MINDY4: variants seen among roughly 807,000 people sequenced by gnomAD.
MINDY4 encodes MINDY lysine 48 deubiquitinase 4, also known as probable ubiquitin carboxyl-terminal hydrolase MINDY-4.
Under a neutral mutation model 87.0 loss-of-function variants are expected in MINDY4, and 68 were observed. The ratio of observed to expected loss-of-function variants is 0.78; its 90% CI spans 0.64 to 0.96. The LOEUF (loss-of-function observed/expected upper bound fraction) is 0.96. Among genes scored for constraint, MINDY4 ranks in the 40% least tolerant of loss-of-function variants. The pLI is 0.00. For synonymous variants in MINDY4, 379 were observed against 363.2 expected (o/e 1.04, Z -0.50); for missense variants, 919 against 928.2 (o/e 0.99, Z 0.13).
intron 16 of MINDY4, 97 bp from the exon 17 acceptor site, chr7:30,882,824 G>T (rs746609314): frequency 8.3e-5 from 86 of 1,036,044 alleles, no homozygotes; most frequent in Middle Eastern, 6.3e-4. Flanking sequence ...AGGGGACAGG[G>T]ACTAGAAGGG....
intron 5 of MINDY4, among the ~76,000 whole-genome samples, chr7:30,810,596 C>T (rs10242462): frequency 2.0e-5 from 3 of 151,922 alleles, no homozygotes; most frequent in Non-Finnish European, 2.9e-5. Flanking sequence ...AAAACACGAC[C>T]GGTTTTTCTT....
Position 30,791,436 on chromosome 7 carries a change from A to T in MINDY4, c.935A>T (p.Asp312Val), listed in dbSNP as rs758831576. 48 of 1,613,966 alleles carry T rather than the reference A, an allele frequency of 3.0e-5. No homozygotes were observed. In the Admixed American group the frequency reaches 6.0e-4, roughly 20 times the overall value. Reference protein sequence around the residue: ...DRARPRDPSEDTPAVDGSTDT... With the variant: ...DRARPRDPSEVTPAVDGSTDT... The stretch of plus-strand genomic sequence containing the variant: ...GCCAGGCCGAGGGATCCCTCCGAGG[A>T]CACCCCAGCAGTGGACGGCAGCACA... Residue 312 changes from aspartate to valine, a missense_variant, in exon 5 of 18, where the codon GAC becomes GTC. By Grantham distance (152) the Asp-to-Val change is radical. Coordinates refer to ENST00000265299, the MANE Select transcript of MINDY4 (RefSeq NM_032222.3).
chr7:30,775,861 C>T (rs1786794212), intron 1 of MINDY4, among the ~76,000 whole-genome samples: 1 of 152,206 alleles, frequency 6.6e-6, no homozygotes, highest in Non-Finnish European at 1.5e-5. Context: ...GTTCCTCCTA[C>T]AACTGTGCCC....
Position 30,872,266 on chromosome 7 carries a change from C to T in MINDY4, c.1769C>T (p.Pro590Leu), listed in dbSNP as rs1489698727. The change falls in exon 14 of 18, where the codon CCC (proline) becomes CTC (leucine). Residue 590 changes from proline to leucine, a missense_variant. Transcript: ENST00000265299. ...AGCATCCGCCAGGACTTTGATGTCC[C>T]CACCAGCCACCTGATTGGAGCACAT... is the stretch of plus-strand genomic sequence containing the variant. ...TELIRQDFDV[P>L]TSHLIGAHGY... The T allele has an allele frequency of 6.2e-7, 1 of 1,613,998 alleles. No individual in the cohort carries two copies. The highest frequency in any genetic ancestry group is 8.5e-7 in the Non-Finnish European group (1 of 1,180,006).
At chr7:30,875,370 C>T in intron 14 of MINDY4, 125 bp from the exon 15 acceptor site, 2 of 1,089,086 alleles carry the variant, frequency 1.8e-6, no homozygotes, top group Non-Finnish European at 2.8e-6. Context: ...CTCCTCTGCT[C>T]TCAGGCTCTC....
intron 13 of MINDY4, 48 bp from the exon 14 acceptor site, chr7:30,872,195 A>T (rs751584291): frequency 6.2e-7 from 1 of 1,602,408 alleles, no homozygotes; most frequent in Non-Finnish European, 8.5e-7. Flanking sequence ...GAGGTTTGCA[A>T]CCTGGGTCAG....
chr7:30,836,562 C>A, intron 6 of MINDY4, 96 bp from the exon 7 acceptor site: 1 of 1,005,550 alleles, frequency 9.9e-7, no homozygotes, highest in Non-Finnish European at 1.5e-6. Flanking sequence ...CTCAAACCTT[C>A]TACAAACTTA....
rs10253781 is a variant in MINDY4 at position 30,874,496 on chromosome 7, T to G, written c.1810-999T>G. On this transcript the variant is annotated intron_variant, in intron 14 of 17. Coordinates refer to ENST00000265299, the MANE Select transcript of MINDY4 (RefSeq NM_032222.3). ...TGCATAAGGAAGGGACCTTCCAGCC[T>G]TGTTGGTACACCAAAATGTGGGAGG... Among the ~76,000 whole-genome samples the G allele has an allele frequency of 7.6e-4, 116 of 152,206 alleles. 1 individual carries two copies. The highest frequency in any genetic ancestry group is 2.1e-3 in the African/African-American group (88 of 41,508).
intron 1 of MINDY4, among the ~76,000 whole-genome samples, chr7:30,772,098 T>A (rs1233385685): frequency 6.6e-6 from 1 of 152,262 alleles, no homozygotes; most frequent in East Asian, 1.9e-4. Context: ...AGGAGAGTTT[T>A]TGCAGTGTTC....
Position 30,771,499 on chromosome 7 carries a change from C to T in MINDY4, c.6C>T (p.Asp2=). The stretch of plus-strand genomic sequence containing the variant: ...GCAGAGCCAGAGCCAGAGCCATGGA[C>T]AGCCTCTTCGTGGAGGAGGTGGCCG... M[D]SLFVEEVAAS... is the part of the protein sequence containing the mutation. Residue 2 remains aspartate, a synonymous_variant, in exon 1 of 18, where the codon GAC becomes GAT. Coordinates refer to ENST00000265299, the MANE Select transcript of MINDY4 (RefSeq NM_032222.3). 6.2e-7 allele frequency: 1 copy of T among 1,605,300 alleles called. No individual in the cohort carries two copies.
chr7:30,773,170 C>T (rs906225611), intron 1 of MINDY4, among the ~76,000 whole-genome samples: 12 of 152,222 alleles, frequency 7.9e-5, no homozygotes, highest in Non-Finnish European at 1.6e-4. Flanking sequence ...GCAGAGACCA[C>T]GTGCTCCCCA....
chr7:30,791,119 G>A, intron 4 of MINDY4, 46 bp from the exon 5 acceptor site: 2 of 1,517,106 alleles, frequency 1.3e-6, no homozygotes, highest in Non-Finnish European at 1.8e-6. Flanking sequence ...TTGTTTTCCA[G>A]CTCCCCTCAA....
intron 4 of MINDY4, 113 bp from the exon 5 acceptor site, chr7:30,791,052 G>C (rs1205853809): frequency 6.5e-6 from 7 of 1,081,496 alleles, no homozygotes; most frequent in Non-Finnish European, 8.1e-6. Flanking sequence ...TCCGAGGTGG[G>C]AAAAGACATT....
intron 1 of MINDY4, among the ~76,000 whole-genome samples, chr7:30,775,472 C>T (rs1489112794): frequency 6.6e-6 from 1 of 152,190 alleles, no homozygotes; most frequent in East Asian, 1.9e-4. Flanking sequence ...CAGCATGCTG[C>T]CCTCCCAGCA....
At chr7:30,826,328 G>A (rs1033855565) in intron 5 of MINDY4, among the ~76,000 whole-genome samples, 3 of 152,208 alleles carry the variant, frequency 2.0e-5, no homozygotes, top group African/African-American at 7.2e-5. Flanking sequence ...TCTGGGCAGT[G>A]AGGTAGGCCT....
chr7:30,808,926 A>G (rs1787898122), intron 5 of MINDY4, among the ~76,000 whole-genome samples: 1 of 148,194 alleles, frequency 6.7e-6, no homozygotes, highest in African/African-American at 2.6e-5. Context: ...ACAAAGAGGG[A>G]GTCAAGGAGA....
chr7:30,828,549 A>C lies in MINDY4; in HGVS notation c.1074-130A>C, dbSNP rs144794574. 3.9e-4 allele frequency: 347 copies of C among 884,716 alleles called. No homozygotes were observed. In the African/African-American group the frequency reaches 4.3e-3, roughly 11 times the overall value. The allele number at this position is 884,716 out of a possible 1,614,324, so 54.8% of individuals were successfully genotyped here. The stretch of plus-strand genomic sequence containing the variant: ...CTGAGAGAGGGGGAGTATTCAAGGC[A>C]CACAGAGGCAAGGCCAAGACTAGAG... On this transcript the variant is annotated intron_variant, in intron 5 of 17. Coordinates refer to ENST00000265299, the MANE Select transcript of MINDY4 (RefSeq NM_032222.3).
At chr7:30,842,473 A>G (rs780178499) in intron 9 of MINDY4, among the ~76,000 whole-genome samples, 1 of 152,214 alleles carries the variant, frequency 6.6e-6, no homozygotes, top group Non-Finnish European at 1.5e-5. Flanking sequence ...CTCAGAGGGT[A>G]CAGGGATACT....
At chr7:30,810,729 G>C (rs575109224) in intron 5 of MINDY4, among the ~76,000 whole-genome samples, 19 of 152,198 alleles carry the variant, frequency 1.2e-4, no homozygotes, top group Non-Finnish European at 2.2e-4. Flanking sequence ...TTAAAACTAA[G>C]TTTAATATTA....
Sources: allele counts gnomAD v4.1 joint callset (sites outside exome capture counted in the v4.1 genomes callset), GRCh38; gene constraint gnomAD v4.1.1; transcripts MANE v1.5; gene names NCBI Gene and HGNC (gene_info 2026-07-23, HGNC 2026-07-21).